TUNAR: variants seen among roughly 807,000 people sequenced by gnomAD.
TUNAR encodes protein TUNAR.
intron 2 of TUNAR, among the ~76,000 whole-genome samples, chr14:95,920,442 C>T (rs1000857713): frequency 1.1e-4 from 16 of 152,156 alleles, no homozygotes; most frequent in South Asian, 2.1e-4. Context: ...GAAAACCGAA[C>T]GAATCCAACT....
At chr14:95,921,862 T>A (rs1471602238) in intron 2 of TUNAR, among the ~76,000 whole-genome samples, 2 of 152,246 alleles carry the variant, frequency 1.3e-5, no homozygotes, top group African/African-American at 4.8e-5. Flanking sequence ...ATGTGCTCTT[T>A]CCCTCCGCTA....
intron 2 of TUNAR, among the ~76,000 whole-genome samples, chr14:95,890,064 T>G (rs1189122881): frequency 2.6e-5 from 4 of 152,128 alleles, no homozygotes; most frequent in Admixed American, 6.5e-5. Context: ...GCAGTGGCTA[T>G]TCACAGGCGC....
At chr14:95,896,441 C>A (rs78276419) in intron 2 of TUNAR, among the ~76,000 whole-genome samples, 2,156 of 152,300 alleles carry the variant, frequency 0.014, 57 homozygotes, top group East Asian at 0.11. Context: ...TGCAGCCCCA[C>A]CTCCTGGGAC....
intron 2 of TUNAR, among the ~76,000 whole-genome samples, chr14:95,888,316 A>C (rs1889110931): frequency 6.6e-6 from 1 of 152,168 alleles, no homozygotes; most frequent in Non-Finnish European, 1.5e-5. Flanking sequence ...TTGATAAAGG[A>C]GTTAATTTTA....
chr14:95,891,869 G>A lies in TUNAR; in HGVS notation c.12+14692G>A, dbSNP rs529910988. ...GGATCCCTGTCTCCTCCCGGTTGCT[G>A]GTGGTTGCCTGCAATCCTTGGCATT... On this transcript the variant is annotated intron_variant, in intron 2 of 2. Coordinates refer to ENST00000678517, the Ensembl canonical transcript of TUNAR. 1.4e-4 allele frequency among the ~76,000 whole-genome samples: 22 copies of A among 152,328 alleles called. 1 individual carries two copies. Among genetic ancestry groups the A allele is most frequent in the Admixed American group, 1.4e-3 (22 of 15,304 alleles).
intron 2 of TUNAR, among the ~76,000 whole-genome samples, chr14:95,911,812 A>G (rs1889519640): frequency 6.6e-6 from 1 of 152,226 alleles, no homozygotes; most frequent in Non-Finnish European, 1.5e-5. Flanking sequence ...GGGAGCAAAG[A>G]TTTAGTTCTG....
At chr14:95,893,704 A>G (rs1055537655) in intron 2 of TUNAR, among the ~76,000 whole-genome samples, 10 of 152,194 alleles carry the variant, frequency 6.6e-5, no homozygotes, top group Non-Finnish European at 1.5e-4. Context: ...CCAGCTGTCT[A>G]TGAGAATAAC....
At chr14:95,911,633 A>G (rs1180554896) in intron 2 of TUNAR, among the ~76,000 whole-genome samples, 1 of 152,180 alleles carries the variant, frequency 6.6e-6, no homozygotes, top group African/African-American at 2.4e-5. Context: ...ATCAGCGTGA[A>G]CCTTCCCCGC....
At chr14:95,907,609 G>T (rs1889446829) in intron 2 of TUNAR, among the ~76,000 whole-genome samples, 2 of 152,166 alleles carry the variant, frequency 1.3e-5, no homozygotes, top group African/African-American at 4.8e-5. Flanking sequence ...AGATGAAGAG[G>T]TGCTTTACTG....
At chr14:95,881,635 A>G (rs1322207709) in intron 2 of TUNAR, among the ~76,000 whole-genome samples, 2 of 152,170 alleles carry the variant, frequency 1.3e-5, no homozygotes, top group African/African-American at 2.4e-5. Context: ...TGTAGGTCTC[A>G]AGGAACTTTT....
At chr14:95,920,262 T>C (rs1459327267) in intron 2 of TUNAR, among the ~76,000 whole-genome samples, 1 of 151,802 alleles carries the variant, frequency 6.6e-6, no homozygotes, top group Non-Finnish European at 1.5e-5. Flanking sequence ...GAGGTAGGGA[T>C]AGTGATTGGA....
intron 2 of TUNAR, among the ~76,000 whole-genome samples, chr14:95,883,936 C>T (rs1889024425): frequency 6.6e-6 from 1 of 152,068 alleles, no homozygotes; most frequent in Non-Finnish European, 1.5e-5. Context: ...GCTTCCAGGT[C>T]GCTCTCACCT....
intron 2 of TUNAR, among the ~76,000 whole-genome samples, chr14:95,913,157 T>TTTTTAA (rs1555376683): frequency 7.3e-5 from 11 of 150,404 alleles, no homozygotes; most frequent in African/African-American, 2.5e-4. Flanking sequence ...TTTTTTTTTT[T>TTTTTAA]AAATTCTACT....
At chr14:95,911,843 A>G (rs1889520459) in intron 2 of TUNAR, among the ~76,000 whole-genome samples, 1 of 152,200 alleles carries the variant, frequency 6.6e-6, no homozygotes, top group Non-Finnish European at 1.5e-5. Flanking sequence ...TATTTTGACA[A>G]ACAAGTTGGT....
intron 2 of TUNAR, among the ~76,000 whole-genome samples, chr14:95,909,735 G>C (rs531784881): frequency 6.6e-6 from 1 of 152,184 alleles, no homozygotes; most frequent in Non-Finnish European, 1.5e-5. Context: ...AGGGGCCAGA[G>C]GACATGGAGG....
Position 95,922,686 on chromosome 14 carries a change from C to T in TUNAR, c.13-95C>T, listed in dbSNP as rs113040278. The T allele has an allele frequency of 1.0e-3, 399 of 396,986 alleles. 4 individuals carry two copies. Among genetic ancestry groups the T allele is most frequent in the African/African-American group, 7.6e-3 (369 of 48,708 alleles). 24.6% of individuals were successfully genotyped at this position (396,986 alleles called of 1,614,324 possible). ...TTGTCATTCTCCCACCATGTTCTGACCTGCAAGCAGATCACTACCCACTAC... is the reference window on the plus strand; with the variant it reads ...TTGTCATTCTCCCACCATGTTCTGATCTGCAAGCAGATCACTACCCACTAC... On this transcript the variant is annotated intron_variant, in intron 2 of 2. Transcript: ENST00000678517.
intron 2 of TUNAR, among the ~76,000 whole-genome samples, chr14:95,881,344 C>T (rs567880386): frequency 6.6e-6 from 1 of 152,334 alleles, no homozygotes; most frequent in East Asian, 1.9e-4. Context: ...AAAGAATTCT[C>T]CTGGGTCCCA....
At chr14:95,896,110 T>C (rs1422149389) in intron 2 of TUNAR, among the ~76,000 whole-genome samples, 2 of 149,496 alleles carry the variant, frequency 1.3e-5, no homozygotes, top group East Asian at 1.9e-4. Flanking sequence ...CAGTGAGTAA[T>C]AGAGTGGATA....
exon 3 of TUNAR, chr14:95,923,647 C>T (rs940011906): frequency 5.9e-5 from 9 of 152,218 alleles, no homozygotes; most frequent in African/African-American, 1.9e-4. Context: ...CCCTCCTCCC[C>T]CAACTACAGA....
Sources: allele counts gnomAD v4.1 joint callset (sites outside exome capture counted in the v4.1 genomes callset), GRCh38; gene constraint gnomAD v4.1.1; transcripts MANE v1.5; gene names NCBI Gene and HGNC (gene_info 2026-07-23, HGNC 2026-07-21).